OTOA: variants seen among roughly 807,000 people sequenced by gnomAD.
OTOA encodes otoancorin.
A neutral mutation model predicts 110.8 loss-of-function variants in OTOA; 70 were observed. That is an observed-to-expected ratio of 0.63 (90% CI 0.52 to 0.77). OTOA has a LOEUF of 0.77. OTOA is among the 30% of genes least tolerant of loss of function. The pLI is 0.00. For missense variants in OTOA, 917 were observed against 1,075.8 expected (o/e 0.85, Z 2.06); for synonymous variants, 373 against 431.5 (o/e 0.86, Z 1.68).
At position 21,705,459 on chromosome 16, in the gene OTOA, G is replaced by A. The variant is rs1898144677; in HGVS notation, c.1104+167G>A. 6.8e-6 allele frequency: 7 copies of A among 1,032,582 alleles called. No individual in the cohort carries two copies. In the South Asian group the frequency reaches 8.9e-5, roughly 13 times the overall value. The allele number at this position is 1,032,582 out of a possible 1,614,324, so 64.0% of individuals were successfully genotyped here. A position where few individuals can be genotyped will look rare whatever the true frequency, so the allele number is the denominator to read the frequency against. On this transcript the variant is annotated intron_variant, in intron 12 of 28. Transcript: ENST00000646100. ...CAAATACTGAGGTAAGTGTAACATCGAAGCCCAGACAGAAAATAGCAAAGG... is the reference window on the plus strand; with the variant it reads ...CAAATACTGAGGTAAGTGTAACATCAAAGCCCAGACAGAAAATAGCAAAGG...
At chr16:21,683,582 T>G (rs1966935424) in intron 6 of OTOA, among the ~76,000 whole-genome samples, 1 of 151,900 alleles carries the variant, frequency 6.6e-6, no homozygotes. Context: ...TGGTGTGGCC[T>G]GTAGTCCCAG....
intron 9 of OTOA, among the ~76,000 whole-genome samples, chr16:21,695,881 A>ATTT: frequency 2.5e-5 from 1 of 40,636 alleles, no homozygotes; most frequent in Non-Finnish European, 4.8e-5. Context: ...ATATATATAT[A>ATTT]TATATATATA....
intron 28 of OTOA, among the ~76,000 whole-genome samples, chr16:21,759,995 C>T (rs1900117542): frequency 6.6e-6 from 1 of 151,896 alleles, no homozygotes; most frequent in Admixed American, 6.6e-5. Flanking sequence ...ATGAGGGCCC[C>T]TTAAAAAGAT....
At chr16:21,756,775 G>T (rs998105080) in intron 27 of OTOA, among the ~76,000 whole-genome samples, 1 of 151,278 alleles carries the variant, frequency 6.6e-6, no homozygotes, top group East Asian at 1.9e-4. Context: ...TATTGTTGGC[G>T]GACAAATCTA....
At chr16:21,712,573 G>T (rs1397817783) in intron 13 of OTOA, among the ~76,000 whole-genome samples, 1 of 151,916 alleles carries the variant, frequency 6.6e-6, no homozygotes, top group Non-Finnish European at 1.5e-5. Flanking sequence ...AGGCACGATG[G>T]CTCACGCCTG....
chr16:21,717,081 TCTGA>T (rs1236056613), intron 15 of OTOA, 34 bp downstream of exon 15: 1 of 1,612,900 alleles, frequency 6.2e-7, no homozygotes, highest in South Asian at 1.1e-5. Flanking sequence ...ATCCTGTATT[TCTGA>T]CTATCTGTCT....
In OTOA at chr16:21,691,682, C is replaced by T. The variant is rs751618666; in HGVS notation, c.734C>T (p.Ala245Val). The change falls in exon 9 of 29, where the codon GCC becomes GTC. Residue 245 changes from alanine (A) to valine (V), a missense_variant. This residue lies in a region of OTOA where 840 missense variants were observed against 910.2 expected (regional missense o/e 0.92). Coordinates refer to ENST00000646100, the MANE Select transcript of OTOA (RefSeq NM_144672.4). ...MTGILQTSSN[A>V]TDDSASWVSA... ...GGAATACTGCAGACATCCTCCAATG[C>T]CACTGGTGAGCCTGTACTTGGAGGT... is the stretch of plus-strand genomic sequence containing the variant. 2.9e-5 allele frequency: 47 copies of T among 1,612,858 alleles called. No individual in the cohort carries two copies. The highest frequency in any genetic ancestry group is 3.9e-5 in the Non-Finnish European group (46 of 1,179,104).
At position 21,719,548 on chromosome 16, in the gene OTOA, C is replaced by G. The variant is rs748887622; in HGVS notation, c.1806+44C>G. 27 of 1,538,818 alleles carry G rather than the reference C, an allele frequency of 1.8e-5. No homozygotes were observed. The East Asian group carries it at 5.8e-4, about 33-fold the overall frequency. On this transcript the variant is annotated intron_variant, in intron 17 of 28. Coordinates refer to ENST00000646100, the MANE Select transcript of OTOA (RefSeq NM_144672.4). ...CCAGCTTCTAATTCTCTCTCCCTAC[C>G]CCAGTCACTGGGCCTGGATTGGCTG...
chr16:21,710,745 G>T (rs990381103), intron 13 of OTOA, among the ~76,000 whole-genome samples: 1 of 152,172 alleles, frequency 6.6e-6, no homozygotes, highest in Non-Finnish European at 1.5e-5. Flanking sequence ...GCTCACACCT[G>T]CAATCCCAGC....
intron 11 of OTOA, among the ~76,000 whole-genome samples, chr16:21,701,937 C>T (rs1317546061): frequency 6.8e-6 from 1 of 147,114 alleles, no homozygotes; most frequent in Non-Finnish European, 1.5e-5. Context: ...ACGCCTGGCC[C>T]ATTCAATCCT....
intron 28 of OTOA, among the ~76,000 whole-genome samples, chr16:21,758,262 T>C (rs1567411238): frequency 6.6e-6 from 1 of 151,816 alleles, no homozygotes; most frequent in Non-Finnish European, 1.5e-5. Flanking sequence ...TCTGGGGAGA[T>C]AGCTTCTAAC....
intron 15 of OTOA, 31 bp downstream of exon 15, chr16:21,717,078 A>G (rs752652694): frequency 2.5e-6 from 4 of 1,612,860 alleles, no homozygotes; most frequent in Non-Finnish European, 3.4e-6. Context: ...TCGATCCTGT[A>G]TTTCTGACTA....
intron 1 of OTOA, among the ~76,000 whole-genome samples, chr16:21,672,377 C>T (rs1966850430): frequency 6.6e-6 from 1 of 152,264 alleles, no homozygotes; most frequent in South Asian, 2.1e-4. Flanking sequence ...AATCCCAGCA[C>T]TTTGGGAGGC....
At chr16:21,704,857 G>A (rs1253971834) in intron 11 of OTOA, 1 of 763,950 alleles carries the variant, frequency 1.3e-6, no homozygotes, top group Non-Finnish European at 2.4e-6. Context: ...GCTACAAGGT[G>A]ATGCTGGGAG....
Position 21,719,116 on chromosome 16 carries a change from T to C in OTOA, c.1630-17T>C, listed in dbSNP as rs377049896. On this transcript the variant is annotated splice_polypyrimidine_tract_variant and intron_variant, in intron 15 of 28. Coordinates refer to ENST00000646100, the MANE Select transcript of OTOA (RefSeq NM_144672.4). ...CTGAGTGTGCCATCAGTGCTAACGA[T>C]CATTCTCTTCTCGCAGGCTCTGTTC... is the stretch of plus-strand genomic sequence containing the variant. 1.3e-5 allele frequency: 21 copies of C among 1,612,346 alleles called. No homozygotes were observed. In the East Asian group the frequency reaches 2.5e-4, roughly 19 times the overall value.
At chr16:21,706,004 C>T (rs553273132) in intron 12 of OTOA, among the ~76,000 whole-genome samples, 19 of 151,454 alleles carry the variant, frequency 1.3e-4, no homozygotes, top group Non-Finnish European at 2.1e-4. Context: ...GTAGGAGGAT[C>T]GCTTGAGCCC....
In OTOA at chr16:21,691,649, G is replaced by A; in HGVS notation, c.701G>A (p.Trp234Ter). 1.2e-6 allele frequency: 2 copies of A among 1,613,868 alleles called. No homozygotes were observed. Among genetic ancestry groups the A allele is most frequent in the Non-Finnish European group, 1.7e-6 (2 of 1,179,898 alleles). The change falls in exon 9 of 29, where the codon TGG becomes TAG. Residue 234 changes from tryptophan (W) to a stop codon, truncating the protein, a stop_gained. Transcript: ENST00000646100. LOFTEE classifies it high-confidence loss of function. Reference sequence around the variant, plus strand: ...CATTCCCAGAGAGCTCTCTATTCCTGGATGACTGGAATACTGCAGACATCC... The same window carrying A: ...CATTCCCAGAGAGCTCTCTATTCCTAGATGACTGGAATACTGCAGACATCC... ...SAHSQRALYS[W>*]MTGILQTSSN...
chr16:21,667,144 A>G (rs1966841683), intron 1 of OTOA, among the ~76,000 whole-genome samples: 1 of 152,200 alleles, frequency 6.6e-6, no homozygotes, highest in Non-Finnish European at 1.5e-5. Context: ...ATGGTGGGCC[A>G]ACACACCTAC....
At chr16:21,668,790 A>G (rs979189394) in intron 1 of OTOA, among the ~76,000 whole-genome samples, 8 of 151,996 alleles carry the variant, frequency 5.3e-5, no homozygotes, top group African/African-American at 1.9e-4. Context: ...GATCCAAATA[A>G]AGTCTAGATT....
Sources: gnomAD v4.1 joint callset for allele counts (sites outside exome capture counted in the v4.1 genomes callset) on GRCh38, gnomAD v4.1.1 for gene constraint, gnomAD v4.1.1 regional missense constraint, MANE v1.5 for transcripts, NCBI Gene and HGNC (gene_info 2026-07-23, HGNC 2026-07-21) for gene names.